Variants in NR2C2 observed in about 807,000 individuals in gnomAD.
NR2C2 encodes the protein nuclear receptor subfamily 2 group C member 2.
In NR2C2, 6 loss-of-function variants were observed where a neutral mutation model predicts 62.9. That is an observed-to-expected ratio of 0.10 (90% CI 0.05 to 0.19). NR2C2 has a LOEUF of 0.19. NR2C2 is among the 10% of genes least tolerant of loss of function. NR2C2 has a pLI of 1.00. For missense variants in NR2C2, 479 were observed against 762.7 expected (o/e 0.63, Z 4.38); for synonymous variants, 272 against 273.8 (o/e 0.99, Z 0.07).
chr3:15,000,513 A>C (rs146738557), intron 1 of NR2C2, among the ~76,000 whole-genome samples: 4 of 152,322 alleles, frequency 2.6e-5, no homozygotes, highest in East Asian at 3.9e-4. Context: ...ACTGATTTCA[A>C]ATCTTTTTGG....
intron 3 of NR2C2, 50 bp from the exon 4 acceptor site, chr3:15,016,102 G>A (rs1303149239): frequency 7.0e-7 from 1 of 1,432,842 alleles, no homozygotes. Context: ...GTGCCCGGCA[G>A]TGATTTGATT....
chr3:15,033,465 G>A (rs538342300), intron 10 of NR2C2, among the ~76,000 whole-genome samples: 2 of 152,238 alleles, frequency 1.3e-5, no homozygotes, highest in South Asian at 4.1e-4. Context: ...CTGAGTAGTT[G>A]TTAGAATGGT....
chr3:15,004,655 G>A (rs1458550220), intron 2 of NR2C2: 6 of 1,601,940 alleles, frequency 3.7e-6, no homozygotes, highest in South Asian at 3.4e-5. Flanking sequence ...GGGAGGAAGG[G>A]ATAATATATT....
intron 1 of NR2C2, among the ~76,000 whole-genome samples, chr3:14,979,908 G>A (rs1200940031): frequency 6.6e-6 from 1 of 152,074 alleles, no homozygotes; most frequent in African/African-American, 2.4e-5. Context: ...TATCTTTGGG[G>A]GTTGAATCAC....
At chr3:15,023,087 G>C in intron 5 of NR2C2, 113 bp from the exon 6 acceptor site, 1 of 1,175,026 alleles carries the variant, frequency 8.5e-7, no homozygotes, top group Admixed American at 2.2e-5. Context: ...TGAGCTAGAT[G>C]AACCTAGCAC....
rs150753845 is a variant in NR2C2 at position 15,020,931 on chromosome 3, A to G, written c.555A>G (p.Glu185=). Residue 185 remains glutamate (E), a splice_region_variant and synonymous_variant, in exon 5 of 14, where the codon GAA becomes GAG. Transcript: ENST00000425241. ...GCTTAGAGATGGGCATGAAAATGGA[A>G]TGTGAGTAACAATATTTAAAAACCA... The part of the protein sequence containing the change: ...KKCLEMGMKM[E]SVQSERKPFD... 3.8e-4 allele frequency: 606 copies of G among 1,613,798 alleles called. 6 individuals are homozygous for G. In the East Asian group the frequency reaches 0.013, roughly 35 times the overall value.
At chr3:15,036,884 G>A (rs2042116683) in intron 11 of NR2C2, among the ~76,000 whole-genome samples, 1 of 152,196 alleles carries the variant, frequency 6.6e-6, no homozygotes, top group Admixed American at 6.5e-5. Context: ...CACTTTGGGA[G>A]GCCGAGGCAG....
chr3:15,016,357 C>T (rs749548165), intron 4 of NR2C2, 103 bp downstream of exon 4: 9 of 754,354 alleles, frequency 1.2e-5, no homozygotes, highest in South Asian at 6.9e-5. Context: ...ATTTTATGTA[C>T]GTTTGTAGGT....
chr3:14,955,648 A>G (rs190554353), intron 1 of NR2C2, among the ~76,000 whole-genome samples: 3 of 152,314 alleles, frequency 2.0e-5, no homozygotes, highest in Admixed American at 2.0e-4. Context: ...ACATACTCAG[A>G]AGGTATGCTA....
intron 1 of NR2C2, among the ~76,000 whole-genome samples, chr3:14,993,580 C>T (rs1006417368): frequency 6.6e-6 from 1 of 152,152 alleles, no homozygotes; most frequent in African/African-American, 2.4e-5. Flanking sequence ...CATAACATCA[C>T]TTTGCCTTCA....
intron 2 of NR2C2, 49 bp downstream of exon 2, chr3:15,004,035 T>C (rs747300450): frequency 8.0e-6 from 12 of 1,508,926 alleles, no homozygotes; most frequent in Non-Finnish European, 5.4e-6. Context: ...AAGAACTCTT[T>C]CCAAAAACAA....
At chr3:14,974,045 TTTTTCA>T (rs2040129642) in intron 1 of NR2C2, among the ~76,000 whole-genome samples, 2 of 152,164 alleles carry the variant, frequency 1.3e-5, no homozygotes, top group Non-Finnish European at 2.9e-5. Flanking sequence ...TCTTCACAGT[TTTTTCA>T]TCTTGCTAAA....
At position 15,030,445 on chromosome 3, in the gene NR2C2, C is replaced by T. The variant is rs1315444007; in HGVS notation, c.1103C>T (p.Thr368Ile). The T allele has an allele frequency of 1.3e-6, 2 of 1,586,050 alleles. 1 individual carries two copies. The highest frequency in any genetic ancestry group is 1.7e-6 in the Non-Finnish European group (2 of 1,168,386). Residue 368 changes from threonine to isoleucine, a missense_variant, in exon 9 of 14, where the codon ACA (threonine) becomes ATA (isoleucine). Thr to Ile is a moderately conservative substitution (Grantham distance 89). Coordinates refer to ENST00000425241, the MANE Select transcript of NR2C2 (RefSeq NM_001291694.2). ...EGPLLSDTHV[T>I]FKLTMPSPMP... ...CCCCTCCTTTCAGACACACACGTCACATTTAAGGTGAGTGAATTCAGCCTA... is the reference window on the plus strand; with the variant it reads ...CCCCTCCTTTCAGACACACACGTCATATTTAAGGTGAGTGAATTCAGCCTA...
chr3:15,025,194 A>AG (rs1392735199), intron 7 of NR2C2, among the ~76,000 whole-genome samples: 6 of 152,250 alleles, frequency 3.9e-5, no homozygotes, highest in Admixed American at 3.9e-4. Flanking sequence ...CCTGAAAGTA[A>AG]GGCCCAGATA....
chr3:14,981,910 CTG>C (rs2125330849), intron 1 of NR2C2, among the ~76,000 whole-genome samples: 1 of 152,334 alleles, frequency 6.6e-6, no homozygotes, highest in South Asian at 2.1e-4. Context: ...CCATGTTCCT[CTG>C]TACGCTTTTA....
chr3:15,023,993 T>C (rs2041751100), intron 6 of NR2C2, 122 bp from the exon 7 acceptor site: 1 of 701,692 alleles, frequency 1.4e-6, no homozygotes. Flanking sequence ...CGGCTGAGTC[T>C]ACTTAGAGCT....
chr3:15,004,153 A>G (rs997991239), intron 2 of NR2C2, among the ~76,000 whole-genome samples, 167 bp downstream of exon 2: 18 of 152,270 alleles, frequency 1.2e-4, no homozygotes, highest in Admixed American at 9.2e-4. Flanking sequence ...CATTTATTTA[A>G]CCAACTTACA....
intron 1 of NR2C2, chr3:14,959,210 A>G (rs1340566768): frequency 1.3e-5 from 2 of 152,120 alleles, no homozygotes; most frequent in Non-Finnish European, 1.5e-5. Flanking sequence ...AGAGTCTTAT[A>G]CCCTGATGTT....
intron 1 of NR2C2, among the ~76,000 whole-genome samples, chr3:14,976,852 G>C (rs1203115883): frequency 6.6e-6 from 1 of 151,950 alleles, no homozygotes; most frequent in African/African-American, 2.4e-5. Flanking sequence ...CAGTGCCACT[G>C]TCATTCCTTA....
Sources: allele counts gnomAD v4.1 joint callset (sites outside exome capture counted in the v4.1 genomes callset), GRCh38; gene constraint gnomAD v4.1.1; transcripts MANE v1.5; gene names NCBI Gene and HGNC (gene_info 2026-07-23, HGNC 2026-07-21).